Variants in TBC1D19 observed in about 807,000 individuals in gnomAD.
TBC1D19 encodes the protein TBC1 domain family, member 19.
In TBC1D19, 60 loss-of-function variants were observed where a neutral mutation model predicts 89.0. The observed-to-expected ratio is 0.67, with a 90% CI of 0.55 to 0.84. The LOEUF (loss-of-function observed/expected upper bound fraction) is 0.84, where lower values mean the gene tolerates loss of function less well. TBC1D19 is among the 40% of genes least tolerant of loss of function. TBC1D19 has a pLI of 0.00. For missense variants in TBC1D19, 500 were observed against 610.8 expected, an observed-to-expected ratio of 0.82 and a Z score of 1.91; for synonymous variants, 189 against 199.7, an observed-to-expected ratio of 0.95 and a Z score of 0.45.
At chr4:26,700,007 TATA>T (rs1267109560) in intron 13 of TBC1D19, among the ~76,000 whole-genome samples, 1 of 149,846 alleles carries the variant, frequency 6.7e-6, no homozygotes, top group South Asian at 2.1e-4. Context: ...GAACTTAAAG[TATA>T]ATAATAATAA....
the TBC1D19 span, among the ~76,000 whole-genome samples, chr4:26,767,828 A>C: frequency 2.0e-5 from 3 of 152,196 alleles, no homozygotes; most frequent in Non-Finnish European, 2.9e-5. Flanking sequence ...TAGACTATAC[A>C]AAATAATAGT....
At chr4:26,723,477 T>G (rs1020114454) in intron 15 of TBC1D19, among the ~76,000 whole-genome samples, 1 of 152,166 alleles carries the variant, frequency 6.6e-6, no homozygotes, top group African/African-American at 2.4e-5. Context: ...ACCAGGCCAG[T>G]GCTTACAGGG....
intron 18 of TBC1D19, among the ~76,000 whole-genome samples, chr4:26,742,992 AAAAGTT>A (rs1294626886): frequency 2.0e-5 from 3 of 152,158 alleles, no homozygotes; most frequent in Admixed American, 6.5e-5. Context: ...TGAAAACTAT[AAAAGTT>A]AAAGTTGGCT....
At chr4:26,808,785 A>G in the TBC1D19 span, among the ~76,000 whole-genome samples, 99 of 152,258 alleles carry the variant, frequency 6.5e-4, 2 homozygotes, top group Admixed American at 4.0e-3. Flanking sequence ...AGGGACCTCT[A>G]GAAATCATGG....
intron 1 of TBC1D19, among the ~76,000 whole-genome samples, chr4:26,592,034 A>G (rs78556189): frequency 0.46 from 69,152 of 151,842 alleles, 17,492 homozygotes; most frequent in Admixed American, 0.6. Context: ...AGACACAACA[A>G]AAAAAGAGAA....
At chr4:26,851,425 C>T in the TBC1D19 span, among the ~76,000 whole-genome samples, 1 of 151,994 alleles carries the variant, frequency 6.6e-6, no homozygotes, top group South Asian at 2.1e-4. Context: ...CCCTAGCAAA[C>T]TAATACAGAC....
intron 16 of TBC1D19, among the ~76,000 whole-genome samples, chr4:26,736,742 A>C (rs1389349287): frequency 1.3e-5 from 2 of 152,200 alleles, no homozygotes; most frequent in Non-Finnish European, 2.9e-5. Context: ...ACTGAGTTTG[A>C]GCTCATGATT....
At chr4:26,789,564 G>A in the TBC1D19 span, among the ~76,000 whole-genome samples, 1 of 152,200 alleles carries the variant, frequency 6.6e-6, no homozygotes, top group African/African-American at 2.4e-5. Context: ...GCAAATGTTG[G>A]TGAGGATGCA....
At chr4:26,632,668 G>C (rs1359148787) in intron 4 of TBC1D19, among the ~76,000 whole-genome samples, 1 of 152,002 alleles carries the variant, frequency 6.6e-6, no homozygotes, top group Non-Finnish European at 1.5e-5. Flanking sequence ...ACTCCCACCT[G>C]ACATTTTTAC....
At chr4:26,678,875 C>T (rs1713084250) in intron 11 of TBC1D19, among the ~76,000 whole-genome samples, 1 of 152,138 alleles carries the variant, frequency 6.6e-6, no homozygotes, top group African/African-American at 2.4e-5. Context: ...CCTAGCTTGA[C>T]TTTTCCCTTT....
the TBC1D19 span, among the ~76,000 whole-genome samples, chr4:26,830,192 G>T: frequency 6.6e-6 from 1 of 152,196 alleles, no homozygotes; most frequent in Admixed American, 6.5e-5. Context: ...ACTGGCACTT[G>T]CAAATTACCC....
chr4:26,585,508 G>C (rs1739357654), intron 1 of TBC1D19, among the ~76,000 whole-genome samples: 1 of 151,278 alleles, frequency 6.6e-6, no homozygotes. Context: ...TCTTATTGTT[G>C]AGTTGTAAGG....
intron 7 of TBC1D19, among the ~76,000 whole-genome samples, chr4:26,657,216 C>G (rs988127394): frequency 3.3e-5 from 5 of 151,756 alleles, no homozygotes; most frequent in African/African-American, 1.2e-4. Flanking sequence ...GGTATTTCTC[C>G]TAATGCTGTC....
chr4:26,587,686 T>C (rs1739500720), intron 1 of TBC1D19, among the ~76,000 whole-genome samples: 1 of 151,742 alleles, frequency 6.6e-6, no homozygotes, highest in Non-Finnish European at 1.5e-5. Flanking sequence ...TGGGAAGTGT[T>C]CCTTATTTTC....
the TBC1D19 span, among the ~76,000 whole-genome samples, chr4:26,762,855 G>C: frequency 6.6e-6 from 1 of 152,160 alleles, no homozygotes; most frequent in African/African-American, 2.4e-5. Context: ...AATACAGGCA[G>C]CTTCTAGAAG....
the TBC1D19 span, among the ~76,000 whole-genome samples, chr4:26,769,313 G>T: frequency 6.6e-6 from 1 of 151,870 alleles, no homozygotes; most frequent in East Asian, 1.9e-4. Context: ...TCAAGCAGAA[G>T]AAAAATGGCT....
At position 26,672,129 on chromosome 4, in the gene TBC1D19, A is replaced by G; in HGVS notation, c.665-20A>G. The G allele has an allele frequency of 9.8e-7, 1 of 1,020,626 alleles. No individual in the cohort carries two copies. Among genetic ancestry groups the G allele is most frequent in the Non-Finnish European group, 1.3e-6 (1 of 741,024 alleles). The allele number at this position is 1,020,626 out of a possible 1,614,324, so 63.2% of individuals were successfully genotyped here. On this transcript the variant is annotated intron_variant, in intron 9 of 20. Transcript: ENST00000264866. ...GCTCATACTCATGTCTAATAATTTT[A>G]ATTTTTTTTTAATTTTTAGAACTTT... is the stretch of plus-strand genomic sequence containing the variant.
At chr4:26,817,088 C>G in the TBC1D19 span, among the ~76,000 whole-genome samples, 2 of 152,208 alleles carry the variant, frequency 1.3e-5, no homozygotes, top group African/African-American at 4.8e-5. Flanking sequence ...TGCTTATGCT[C>G]TTTACTCTAA....
chr4:26,828,746 T>C, the TBC1D19 span, among the ~76,000 whole-genome samples: 5 of 152,220 alleles, frequency 3.3e-5, no homozygotes, highest in East Asian at 9.6e-4. Flanking sequence ...ACCTACCTTC[T>C]AAGACTGTAA....
Sources: allele counts gnomAD v4.1 joint callset (sites outside exome capture counted in the v4.1 genomes callset), GRCh38; gene constraint gnomAD v4.1.1; transcripts MANE v1.5; gene names NCBI Gene and HGNC (gene_info 2026-07-23, HGNC 2026-07-21).